Variants in VGLL4 observed in about 807,000 individuals in gnomAD.
VGLL4 encodes transcription cofactor vestigial-like protein 4.
In VGLL4, 7 loss-of-function variants were observed where a neutral mutation model predicts 21.0. The observed-to-expected ratio is 0.33, with a 90% confidence interval of 0.19 to 0.63. The LOEUF (loss-of-function observed/expected upper bound fraction) is 0.63. Among genes scored for constraint, VGLL4 ranks in the 20% least tolerant of loss-of-function variants. The probability of loss-of-function intolerance (pLI) is 0.78; values close to 1 mark genes in which losing one functional copy is unlikely to be tolerated. For missense variants in VGLL4, 394 were observed against 425.7 expected (o/e 0.93, Z 0.66); for synonymous variants, 222 against 173.2 (o/e 1.28, Z -2.21).
chr3:11,631,149 C>T (rs2075467435), intron 1 of VGLL4, among the ~76,000 whole-genome samples: 4 of 152,294 alleles, frequency 2.6e-5, no homozygotes, highest in Admixed American at 1.3e-4. Context: ...CGTTCAAGAC[C>T]AGGCCAACCT....
At chr3:11,623,749 C>CCTTTT (rs200636430) in intron 1 of VGLL4, among the ~76,000 whole-genome samples, 3 of 123,666 alleles carry the variant, frequency 2.4e-5, no homozygotes, top group African/African-American at 2.8e-5. Context: ...TGAAAATTTT[C>CCTTTT]TTTTTTTTTT....
intron 2 of VGLL4, among the ~76,000 whole-genome samples, chr3:11,666,294 A>C (rs2076126171): frequency 6.6e-6 from 1 of 151,864 alleles, no homozygotes; most frequent in Admixed American, 6.6e-5. Flanking sequence ...GCGGGAAAGC[A>C]CATGCAAAGG....
At chr3:11,587,405 C>T (rs925514747) in intron 2 of VGLL4, among the ~76,000 whole-genome samples, 2 of 152,224 alleles carry the variant, frequency 1.3e-5, no homozygotes, top group Non-Finnish European at 2.9e-5. Context: ...CTGGACGTAA[C>T]TTGCTCAAAA....
chr3:11,683,831 T>C (rs2076409498), intron 2 of VGLL4, among the ~76,000 whole-genome samples: 1 of 152,028 alleles, frequency 6.6e-6, no homozygotes, highest in Non-Finnish European at 1.5e-5. Flanking sequence ...AACTCTTACC[T>C]TTGATTATGG....
intron 2 of VGLL4, among the ~76,000 whole-genome samples, chr3:11,668,710 T>C (rs562053179): frequency 1.1e-4 from 17 of 152,340 alleles, no homozygotes; most frequent in African/African-American, 3.8e-4. Flanking sequence ...TCAATCAGCA[T>C]GTGTTGACCA....
At chr3:11,651,207 G>A (rs553501096) in intron 2 of VGLL4, among the ~76,000 whole-genome samples, 70 of 152,066 alleles carry the variant, frequency 4.6e-4, no homozygotes, top group Non-Finnish European at 6.2e-4. Context: ...GCCAAGTGTG[G>A]TGGCAGGTGC....
At position 11,653,494 on chromosome 3, in the gene VGLL4, T is replaced by C. The variant is rs1401264639; in HGVS notation, c.64+49477A>G. On this transcript the variant is annotated intron_variant, in intron 2 of 5. Coordinates refer to the VGLL4 transcript ENST00000273038. This position sits in a 1 kb window ranked among gnomAD's most constrained non-coding sequence, Gnocchi z 4.2. Reference sequence around the variant, plus strand: ...ATTCATTTGCATTGCTGTCTAGTACTCCATTACTCCAATATATCGCAGATC... The same window carrying C: ...ATTCATTTGCATTGCTGTCTAGTACCCCATTACTCCAATATATCGCAGATC... 6.6e-6 allele frequency among the ~76,000 whole-genome samples: 1 copy of C among 152,214 alleles called. No individual in the cohort carries two copies. Among genetic ancestry groups the C allele is most frequent in the Non-Finnish European group, 1.5e-5 (1 of 68,034 alleles).
intron 1 of VGLL4, among the ~76,000 whole-genome samples, chr3:11,617,517 C>T (rs1315538625): frequency 4.6e-5 from 7 of 152,160 alleles, no homozygotes; most frequent in Non-Finnish European, 1.5e-5. Flanking sequence ...GGGACGCAAG[C>T]GTTACGTGAG....
intron 2 of VGLL4, among the ~76,000 whole-genome samples, chr3:11,700,740 G>A (rs2076670142): frequency 6.6e-6 from 1 of 152,208 alleles, no homozygotes; most frequent in South Asian, 2.1e-4. Context: ...TCTGGAGAGA[G>A]GTGATATGCA....
intron 2 of VGLL4, among the ~76,000 whole-genome samples, chr3:11,583,675 C>T (rs79615843): frequency 2.1e-4 from 32 of 152,304 alleles, no homozygotes; most frequent in African/African-American, 7.0e-4. Context: ...ATCCCACTCT[C>T]GTCACGATGA....
intron 1 of VGLL4, among the ~76,000 whole-genome samples, chr3:11,621,788 A>T (rs1038610281): frequency 2.6e-5 from 4 of 152,206 alleles, no homozygotes; most frequent in Non-Finnish European, 5.9e-5. Context: ...CCAGCAACGT[A>T]TGAGGCATTC....
chr3:11,663,667 G>A (rs773223805), intron 2 of VGLL4, among the ~76,000 whole-genome samples: 49 of 152,262 alleles, frequency 3.2e-4, no homozygotes, highest in Admixed American at 5.2e-4. Flanking sequence ...GCAGTAAGCC[G>A]AGATCATGCC....
Position 11,613,706 on chromosome 3 carries a change from G to A in VGLL4, c.83-11684C>T, listed in dbSNP as rs181851981. ...TCTCTTGAGCCTCTATCCAACTACC[G>A]TGAGGGATTTCTATGCGAATCAATG... On this transcript the variant is annotated intron_variant, in intron 1 of 4. Coordinates refer to ENST00000430365, the MANE Select transcript of VGLL4 (RefSeq NM_001128219.3). Among the ~76,000 whole-genome samples the A allele has an allele frequency of 9.2e-5, 14 of 152,290 alleles. No homozygotes were observed. In the East Asian group the frequency reaches 1.5e-3, roughly 17 times the overall value.
intron 3 of VGLL4, among the ~76,000 whole-genome samples, chr3:11,564,386 T>C (rs2073327479): frequency 7.4e-6 from 1 of 134,478 alleles, no homozygotes; most frequent in South Asian, 2.7e-4. Flanking sequence ...CGCGTGACCG[T>C]CTAAAGGAGA....
chr3:11,583,940 C>T (rs6802119), intron 2 of VGLL4, among the ~76,000 whole-genome samples: 83,803 of 152,126 alleles, frequency 0.55, 23,805 homozygotes, highest in South Asian at 0.7. Context: ...CTTCCCTCCG[C>T]TCCACGGCAG....
chr3:11,608,376 C>T (rs12633591), intron 1 of VGLL4, among the ~76,000 whole-genome samples: 21,900 of 152,082 alleles, frequency 0.14, 1,968 homozygotes, highest in South Asian at 0.26. Flanking sequence ...ACAAAATTAA[C>T]TCCTGTGGTT....
chr3:11,686,748 CT>C lies in VGLL4; in HGVS notation c.64+16222del, dbSNP rs375920846. Among the ~76,000 whole-genome samples, 275 of 152,284 alleles carry C rather than the reference CT, an allele frequency of 1.8e-3. 1 individual carries two copies. Among genetic ancestry groups the C allele is most frequent in the African/African-American group, 6.5e-3 (270 of 41,550 alleles). On this transcript the variant is annotated intron_variant, in intron 2 of 5. Coordinates refer to the VGLL4 transcript ENST00000273038. ...TTTTGTCCCTATGACATATAAATTC[CT>C]ATACCTCACGTGTATACATGTTTCT...
At chr3:11,582,151 A>G in intron 2 of VGLL4, 1 of 1,056,352 alleles carries the variant, frequency 9.5e-7, no homozygotes, top group Non-Finnish European at 1.4e-6. Context: ...GTCCCTTCTA[A>G]GCAAAGACTA....
intron 3 of VGLL4, among the ~76,000 whole-genome samples, chr3:11,563,467 G>A (rs2073211647): frequency 6.6e-6 from 1 of 152,224 alleles, no homozygotes; most frequent in African/African-American, 2.4e-5. Context: ...CTGCCCAACA[G>A]CACAATCCTC....
Sources: allele counts gnomAD v4.1 joint callset (sites outside exome capture counted in the v4.1 genomes callset), GRCh38; gene constraint gnomAD v4.1.1; non-coding constraint Gnocchi (gnomAD v3.1); transcripts MANE v1.5; gene names NCBI Gene and HGNC (gene_info 2026-07-23, HGNC 2026-07-21).